The following YES1 variants were observed in gnomAD, a reference collection of about 807,000 sequenced individuals.
The protein encoded by YES1 is YES proto-oncogene 1, Src family tyrosine kinase.
A neutral mutation model predicts 70.4 loss-of-function variants in YES1; 39 were observed. That is an observed-to-expected ratio of 0.55 (90% CI 0.43 to 0.72). The LOEUF (loss-of-function observed/expected upper bound fraction) is 0.72. Among genes scored for constraint, YES1 ranks in the 30% least tolerant of loss-of-function variants. The probability of loss-of-function intolerance (pLI) is 0.00; values close to 1 mark genes in which losing one functional copy is unlikely to be tolerated. For synonymous variants in YES1, 198 were observed against 218.6 expected (o/e 0.91, Z 0.83); for missense variants, 495 against 644.8 (o/e 0.77, Z 2.52).
intron 1 of YES1, among the ~76,000 whole-genome samples, chr18:786,096 T>C (rs965138545): frequency 6.6e-6 from 1 of 152,230 alleles, no homozygotes; most frequent in African/African-American, 2.4e-5. Flanking sequence ...TTCTCTTCTT[T>C]ATAAATTACC....
intron 1 of YES1, among the ~76,000 whole-genome samples, chr18:805,781 G>T (rs1437895671): frequency 1.3e-5 from 2 of 152,016 alleles, no homozygotes; most frequent in Non-Finnish European, 1.5e-5. Context: ...CAATACATTC[G>T]CCAGGAAACA....
intron 1 of YES1, among the ~76,000 whole-genome samples, chr18:763,854 G>A (rs1457192289): frequency 1.3e-5 from 2 of 152,124 alleles, no homozygotes; most frequent in East Asian, 3.9e-4. Flanking sequence ...AGGCGCAGTG[G>A]CTCACATCTG....
chr18:733,698 G>A (rs973861057), intron 10 of YES1, among the ~76,000 whole-genome samples: 1 of 145,458 alleles, frequency 6.9e-6, no homozygotes, highest in Non-Finnish European at 1.5e-5. Context: ...CAGGAGAATG[G>A]TGTGAACCCA....
At chr18:753,725 A>T (rs1004329961) in intron 2 of YES1, among the ~76,000 whole-genome samples, 1 of 152,168 alleles carries the variant, frequency 6.6e-6, no homozygotes, top group Admixed American at 6.5e-5. Flanking sequence ...ACCTCAAGTG[A>T]TCTACCTGAG....
At chr18:786,424 T>C (rs557028947) in intron 1 of YES1, among the ~76,000 whole-genome samples, 27 of 152,046 alleles carry the variant, frequency 1.8e-4, no homozygotes, top group Admixed American at 9.2e-4. Context: ...AGAATCTTTG[T>C]CTATTGTTGT....
At chr18:739,603 T>A (rs1568189083) in intron 9 of YES1, 132 bp downstream of exon 9, 6 of 696,766 alleles carry the variant, frequency 8.6e-6, no homozygotes, top group Non-Finnish European at 1.1e-5. Flanking sequence ...AATGAGACGC[T>A]GTCTCTAAAA....
rs1341641488 is a variant in YES1 at position 736,863 on chromosome 18, T to C, written c.1236A>G (p.Ile412Met). 1.2e-6 allele frequency: 2 copies of C among 1,612,860 alleles called. No individual in the cohort carries two copies. The highest frequency in any genetic ancestry group is 1.7e-6 in the Non-Finnish European group (2 of 1,180,002). The change falls in exon 10 of 12, where the codon ATA becomes ATG. Residue 412 changes from isoleucine (I) to methionine (M), a missense_variant. Ile to Met is a conservative substitution (Grantham distance 10). Coordinates refer to ENST00000314574, the MANE Select transcript of YES1 (RefSeq NM_005433.4). ...ILVGENLVCK[I>M]ADFGLARLIE... ...TTAACCTTGCTAAACCAAAGTCTGC[T>C]ATTTTGCACACAAGATTTTCTCCTA... is the stretch of plus-strand genomic sequence containing the variant.
intron 1 of YES1, among the ~76,000 whole-genome samples, chr18:765,221 C>A (rs1419017653): frequency 2.0e-4 from 27 of 138,308 alleles, no homozygotes; most frequent in African/African-American, 7.2e-4. Context: ...CTTCAAGACA[C>A]TGGACAGGTT....
intron 1 of YES1, among the ~76,000 whole-genome samples, chr18:789,336 C>A (rs930525995): frequency 1.3e-5 from 2 of 152,016 alleles, no homozygotes; most frequent in African/African-American, 4.8e-5. Flanking sequence ...AATCCCAACA[C>A]TTTGGGAGGC....
intron 1 of YES1, among the ~76,000 whole-genome samples, chr18:800,357 C>T (rs951429784): frequency 2.0e-5 from 3 of 152,200 alleles, no homozygotes; most frequent in Non-Finnish European, 4.4e-5. Context: ...CCTACCCTCA[C>T]GGAGCTTACA....
At chr18:745,101 C>T (rs928061257) in intron 6 of YES1, among the ~76,000 whole-genome samples, 2 of 152,114 alleles carry the variant, frequency 1.3e-5, no homozygotes, top group African/African-American at 4.8e-5. Context: ...ACCATGGAAA[C>T]ATCCCCTCTC....
intron 1 of YES1, among the ~76,000 whole-genome samples, chr18:799,012 T>G (rs1437832090): frequency 1.3e-5 from 2 of 152,182 alleles, no homozygotes; most frequent in Non-Finnish European, 2.9e-5. Flanking sequence ...AAATATAAAA[T>G]TAAATTAGTC....
intron 1 of YES1, among the ~76,000 whole-genome samples, chr18:772,319 G>A (rs541216304): frequency 2.7e-5 from 4 of 150,178 alleles, no homozygotes; most frequent in Non-Finnish European, 3.0e-5. Flanking sequence ...ATGAGCCACC[G>A]CACCCGGCCT....
chr18:779,403 C>CAAAAAAA (rs35003724), intron 1 of YES1, among the ~76,000 whole-genome samples: 1 of 63,082 alleles, frequency 1.6e-5, no homozygotes, highest in Non-Finnish European at 3.2e-5. Context: ...GACCCTGTCT[C>CAAAAAAA]AAAAAAAAAA....
chr18:793,463 A>G (rs1425548576), intron 1 of YES1, among the ~76,000 whole-genome samples: 9 of 152,118 alleles, frequency 5.9e-5, no homozygotes, highest in African/African-American at 2.2e-4. Context: ...CAGCCTCCTG[A>G]GTAGCTAGGG....
rs71174288 is a variant in YES1 at position 765,248 on chromosome 18, C to CTATATATATATA, written c.-8-8425_-8-8414dup. ...GGACAGGTTTGGGAAAGAGTTACAACTATATATATATATATATATATATAT... is the reference window on the plus strand; with the variant it reads ...GGACAGGTTTGGGAAAGAGTTACAACTATATATATATATATATATATATATATATATATATAT... On this transcript the variant is annotated intron_variant, in intron 1 of 11. Transcript: ENST00000314574. Among the ~76,000 whole-genome samples the CTATATATATATA allele has an allele frequency of 7.0e-4, 64 of 91,490 alleles. 1 individual carries two copies. The highest frequency in any genetic ancestry group is 2.8e-3 in the South Asian group (6 of 2,178). 60.0% of individuals were successfully genotyped at this position (91,490 alleles called of 152,430 possible).
intron 1 of YES1, among the ~76,000 whole-genome samples, chr18:799,428 G>C (rs1254591386): frequency 6.6e-6 from 1 of 152,216 alleles, no homozygotes; most frequent in East Asian, 1.9e-4. Flanking sequence ...ATGGTTGTGA[G>C]GCTGGGCATG....
At chr18:784,847 T>C (rs1161965225) in intron 1 of YES1, among the ~76,000 whole-genome samples, 1 of 152,232 alleles carries the variant, frequency 6.6e-6, no homozygotes, top group African/African-American at 2.4e-5. Flanking sequence ...TCAGGAACTT[T>C]AACTCTACCT....
chr18:783,837 C>A (rs1008801960), intron 1 of YES1, among the ~76,000 whole-genome samples: 1 of 152,156 alleles, frequency 6.6e-6, no homozygotes, highest in Non-Finnish European at 1.5e-5. Context: ...TAGTCTTGAA[C>A]GCCTGACATC....
Sources: allele counts gnomAD v4.1 joint callset (sites outside exome capture counted in the v4.1 genomes callset), GRCh38; gene constraint gnomAD v4.1.1; transcripts MANE v1.5; gene names NCBI Gene and HGNC (gene_info 2026-07-23, HGNC 2026-07-21).